Variants in AUTS2 observed in about 807,000 individuals in gnomAD.
The protein encoded by AUTS2 is activator of transcription and developmental regulator AUTS2.
Under a neutral mutation model 112.4 loss-of-function variants are expected in AUTS2, and 17 were observed. That is an observed-to-expected ratio of 0.15 (90% CI 0.10 to 0.23). The LOEUF is 0.23. AUTS2 is among the 10% of genes least tolerant of loss of function. The probability of loss-of-function intolerance (pLI) is 1.00; values close to 1 mark genes in which losing one functional copy is unlikely to be tolerated. For missense variants in AUTS2, 1,510 were observed against 1,701.6 expected (o/e 0.89, Z 1.98); for synonymous variants, 751 against 702.7 (o/e 1.07, Z -1.09).
chr7:70,522,541 G>A (rs953048895), intron 5 of AUTS2, among the ~76,000 whole-genome samples: 3 of 152,150 alleles, frequency 2.0e-5, no homozygotes. Flanking sequence ...CACTTACAAG[G>A]GAAAATATAC....
intron 1 of AUTS2, among the ~76,000 whole-genome samples, chr7:69,880,684 A>T (rs907289454): frequency 6.6e-6 from 1 of 152,186 alleles, no homozygotes; most frequent in Non-Finnish European, 1.5e-5. Context: ...ATATTTTCAG[A>T]TAGATAATTT....
rs146819146 is a variant in AUTS2, at chr7:70,153,735, C to T, written c.660+19164C>T. On this transcript the variant is annotated intron_variant, in intron 4 of 18. Coordinates refer to ENST00000342771, the MANE Select transcript of AUTS2 (RefSeq NM_015570.4). The stretch of plus-strand genomic sequence containing the variant: ...AATACCTCTCTAGCTCAGACAGCTA[C>T]ACACAAAACTTACTCTGAAGAATGT... Among the ~76,000 whole-genome samples, 62 of 152,292 alleles carry T rather than the reference C, an allele frequency of 4.1e-4. No individual in the cohort carries two copies. In the East Asian group the frequency reaches 0.011, roughly 27 times the overall value.
At chr7:69,958,356 C>T (rs555452934) in intron 2 of AUTS2, among the ~76,000 whole-genome samples, 7 of 152,228 alleles carry the variant, frequency 4.6e-5, no homozygotes, top group African/African-American at 7.2e-5. Flanking sequence ...TGAAAACAGG[C>T]GTGAACCTCT....
At chr7:69,670,688 G>A (rs1161461852) in intron 1 of AUTS2, among the ~76,000 whole-genome samples, 1 of 151,282 alleles carries the variant, frequency 6.6e-6, no homozygotes, top group Admixed American at 6.6e-5. Flanking sequence ...ACCAATCTGG[G>A]TAACATAATC....
intron 5 of AUTS2, chr7:70,437,771 C>T (rs181667170): frequency 2.4e-3 from 343 of 141,728 alleles, no homozygotes; most frequent in Non-Finnish European, 4.3e-3. Flanking sequence ...ACCTGGGAGG[C>T]GGAGGTTGCA....
chr7:69,867,837 A>G (rs923098823), intron 1 of AUTS2, among the ~76,000 whole-genome samples: 4 of 152,190 alleles, frequency 2.6e-5, no homozygotes, highest in African/African-American at 9.6e-5. Context: ...AAATAGGCGC[A>G]GTGCCAGAAT....
intron 1 of AUTS2, among the ~76,000 whole-genome samples, chr7:69,640,716 T>C (rs1338574748): frequency 6.6e-6 from 1 of 152,218 alleles, no homozygotes; most frequent in Non-Finnish European, 1.5e-5. Context: ...CCTCAGAATA[T>C]TGTTCATTCC....
intron 5 of AUTS2, among the ~76,000 whole-genome samples, chr7:70,529,787 A>G (rs866493421): frequency 1.3e-5 from 2 of 152,198 alleles, no homozygotes; most frequent in Admixed American, 1.3e-4. Flanking sequence ...CAGTGACCAT[A>G]GTTCTCAGGG....
intron 5 of AUTS2, among the ~76,000 whole-genome samples, chr7:70,579,244 TAA>T (rs10611601): frequency 0.33 from 18,742 of 56,020 alleles, 3,678 homozygotes; most frequent in East Asian, 0.42. Flanking sequence ...TTCTCTTTTC[TAA>T]AAAAAAAAAA....
rs550606177 is a variant in AUTS2, at chr7:70,160,274, A to G, written c.660+25703A>G. 8.3e-4 allele frequency among the ~76,000 whole-genome samples: 126 copies of G among 152,294 alleles called. 1 individual carries two copies. Among genetic ancestry groups the G allele is most frequent in the African/African-American group, 2.9e-3 (120 of 41,568 alleles). On this transcript the variant is annotated intron_variant, in intron 4 of 18. Transcript: ENST00000342771. ...TGATGTAGCTGCTGAAATACCTGAG[A>G]AAGGTAGCTTACCATATAAAGAAAG...
In AUTS2 at chr7:70,076,455, G is replaced by T. The variant is rs573129641; in HGVS notation, c.523-41677G>T. 2.0e-5 allele frequency among the ~76,000 whole-genome samples: 3 copies of T among 152,296 alleles called. No individual in the cohort carries two copies. In the East Asian group the frequency reaches 5.8e-4, roughly 29 times the overall value. The stretch of plus-strand genomic sequence containing the variant: ...AAGGATGTAAATCATTTAATTTAAA[G>T]TTGCAGTTTCCAAGAACCTATTGAC... On this transcript the variant is annotated intron_variant, in intron 2 of 18. Coordinates refer to ENST00000342771, the MANE Select transcript of AUTS2 (RefSeq NM_015570.4).
chr7:69,641,900 A>C (rs1332077234), intron 1 of AUTS2, among the ~76,000 whole-genome samples: 2 of 152,208 alleles, frequency 1.3e-5, no homozygotes, highest in African/African-American at 4.8e-5. Context: ...GATTGATGAC[A>C]TTTCCCTTTA....
intron 1 of AUTS2, among the ~76,000 whole-genome samples, chr7:69,854,981 C>T (rs1792653468): frequency 6.6e-6 from 1 of 152,122 alleles, no homozygotes; most frequent in Non-Finnish European, 1.5e-5. Flanking sequence ...GTTAGGTACA[C>T]CATGGTCTAC....
intron 4 of AUTS2, among the ~76,000 whole-genome samples, chr7:70,331,516 A>AT (rs372805565): frequency 0.1 from 14,600 of 140,678 alleles, 878 homozygotes; most frequent in Middle Eastern, 0.19. Flanking sequence ...GGACTCATTG[A>AT]TTTTTTTTTT....
chr7:69,892,922 C>G (rs1371505132), intron 1 of AUTS2, among the ~76,000 whole-genome samples: 2 of 152,132 alleles, frequency 1.3e-5, no homozygotes, highest in Non-Finnish European at 2.9e-5. Flanking sequence ...CTGGACTATT[C>G]TGTTCCTTTG....
intron 2 of AUTS2, among the ~76,000 whole-genome samples, chr7:70,116,095 A>T (rs1805343919): frequency 6.6e-6 from 1 of 152,228 alleles, no homozygotes; most frequent in Non-Finnish European, 1.5e-5. Context: ...CTTTTATTCC[A>T]TAGTAATAAC....
At chr7:70,384,473 CCTT>C (rs1793519106) in intron 4 of AUTS2, among the ~76,000 whole-genome samples, 6 of 152,312 alleles carry the variant, frequency 3.9e-5, no homozygotes, top group Admixed American at 3.9e-4. Context: ...ACAAGCCACT[CCTT>C]CTGCCATCCT....
At chr7:69,924,796 C>T (rs1480862036) in intron 2 of AUTS2, among the ~76,000 whole-genome samples, 1 of 152,204 alleles carries the variant, frequency 6.6e-6, no homozygotes, top group Non-Finnish European at 1.5e-5. Context: ...GGTGATCCGT[C>T]TGCCTCTGCC....
intron 1 of AUTS2, among the ~76,000 whole-genome samples, chr7:69,836,622 T>C (rs1791737369): frequency 1.3e-5 from 2 of 152,160 alleles, no homozygotes; most frequent in Non-Finnish European, 2.9e-5. Context: ...CACTCCAGTT[T>C]ATACGCATTG....
Sources: allele counts gnomAD v4.1 joint callset (sites outside exome capture counted in the v4.1 genomes callset), GRCh38; gene constraint gnomAD v4.1.1; transcripts MANE v1.5; gene names NCBI Gene and HGNC (gene_info 2026-07-23, HGNC 2026-07-21).